CCDC15: variants seen among roughly 807,000 people sequenced by gnomAD.
CCDC15 encodes coiled-coil domain-containing protein 15.
CCDC15 carries 105 observed loss-of-function variants against 114.5 expected under a neutral mutation model. The observed-to-expected ratio is 0.92, with a 90% CI of 0.78 to 1.08. CCDC15 has a LOEUF of 1.08. Among genes scored for constraint, CCDC15 ranks in the 50% least tolerant of loss-of-function variants. The pLI is 0.00. For missense variants in CCDC15, 1,105 were observed against 1,093.6 expected, an observed-to-expected ratio of 1.01 and a Z score of -0.15; for synonymous variants, 334 against 377.8, an observed-to-expected ratio of 0.88 and a Z score of 1.34.
chr11:124,987,231 T>C lies in CCDC15; in HGVS notation c.1005T>C (p.Tyr335=). 2 of 1,553,384 alleles carry C rather than the reference T, an allele frequency of 1.3e-6. No homozygotes were observed. Among genetic ancestry groups the C allele is most frequent in the Non-Finnish European group, 1.7e-6 (2 of 1,156,664 alleles). Reference sequence around the variant, plus strand: ...ATATTCTGCCAGAAGCCCAGGATTATTTTCTAGAAGCCCAAGGTGATTTGC... The same window carrying C: ...ATATTCTGCCAGAAGCCCAGGATTACTTTCTAGAAGCCCAAGGTGATTTGC... ...LQDILPEAQD[Y]FLEAQGDLLE... is the part of the protein sequence containing the mutation. The change falls in exon 8 of 16, where the codon TAT becomes TAC. Residue 335 remains tyrosine (Y), a synonymous_variant. Coordinates refer to ENST00000344762, the MANE Select transcript of CCDC15 (RefSeq NM_025004.3).
chr11:125,036,026 G>A (rs1386137684), intron 13 of CCDC15, among the ~76,000 whole-genome samples: 1 of 149,022 alleles, frequency 6.7e-6, no homozygotes, highest in African/African-American at 2.5e-5. Flanking sequence ...CACAATTACA[G>A]TGTTTTGATA....
intron 4 of CCDC15, among the ~76,000 whole-genome samples, chr11:124,971,104 A>G (rs796232013): frequency 3.3e-5 from 5 of 152,272 alleles, no homozygotes; most frequent in Admixed American, 2.0e-4. Context: ...GCCTGGCAGT[A>G]TTCCTTAGAA....
At position 125,003,898 on chromosome 11, in the gene CCDC15, C is replaced by A; in HGVS notation, c.2246C>A (p.Thr749Asn). 6.4e-7 allele frequency: 1 copy of A among 1,565,330 alleles called. No homozygotes were observed. Among genetic ancestry groups the A allele is most frequent in the Non-Finnish European group, 8.6e-7 (1 of 1,161,826 alleles). The stretch of plus-strand genomic sequence containing the variant: ...GATAGGTATCAATCAGGATTGAGCA[C>A]TGAATTCCAAGCTCCACTGGCATTT... ...AYDRYQSGLS[T>N]EFQAPLAFQS... Residue 749 changes from threonine (T) to asparagine (N), a missense_variant, in exon 12 of 16, where the codon ACT (threonine) becomes AAT (asparagine). Physicochemically the swap from Thr to Asn is moderately conservative, Grantham distance 65. Coordinates refer to ENST00000344762, the MANE Select transcript of CCDC15 (RefSeq NM_025004.3).
Position 125,040,822 on chromosome 11 carries a change from ACT to A in CCDC15, c.*112_*113del. On this transcript the variant is annotated 3_prime_UTR_variant, in exon 16 of 16. Transcript: ENST00000344762. The stretch of plus-strand genomic sequence containing the variant: ...TAAAATATATAATCTGGGAAGAAAT[ACT>A]GTCTCATATAATAATTAGATTGTAA... 1.1e-6 allele frequency: 1 copy of A among 870,366 alleles called. No homozygotes were observed. Among genetic ancestry groups the A allele is most frequent in the Non-Finnish European group, 1.7e-6 (1 of 578,298 alleles). 53.9% of individuals were successfully genotyped at this position (870,366 alleles called of 1,614,324 possible).
chr11:125,029,684 T>G (rs1425893115), intron 13 of CCDC15, among the ~76,000 whole-genome samples: 1 of 152,232 alleles, frequency 6.6e-6, no homozygotes, highest in Non-Finnish European at 1.5e-5. Context: ...CCATTTTGTA[T>G]TCTCTTTGCC....
At chr11:124,987,017 CTAG>C (rs2135482957) in intron 7 of CCDC15, 107 bp from the exon 8 acceptor site, 38 of 1,369,116 alleles carry the variant, frequency 2.8e-5, no homozygotes, top group Non-Finnish European at 3.6e-5. Context: ...ACATTTTGTT[CTAG>C]TAATTTGCTT....
intron 5 of CCDC15, 108 bp downstream of exon 5, chr11:124,975,317 C>A: frequency 1.7e-6 from 1 of 572,768 alleles, no homozygotes; most frequent in Non-Finnish European, 2.8e-6. Flanking sequence ...TTGGAAATAG[C>A]CTTAAATACC....
chr11:125,039,288 T>C, intron 15 of CCDC15: 1 of 419,940 alleles, frequency 2.4e-6, no homozygotes, highest in Non-Finnish European at 4.1e-6. Flanking sequence ...GCTGGGGAAA[T>C]ATTTTCAGCT....
intron 8 of CCDC15, among the ~76,000 whole-genome samples, chr11:124,989,640 A>T: frequency 6.6e-6 from 1 of 152,206 alleles, no homozygotes; most frequent in East Asian, 1.9e-4. Flanking sequence ...TTCATCAGTG[A>T]TCTTAGCTAG....
chr11:124,989,585 G>A (rs1439571068), intron 8 of CCDC15, among the ~76,000 whole-genome samples: 1 of 152,110 alleles, frequency 6.6e-6, no homozygotes, highest in Non-Finnish European at 1.5e-5. Context: ...TCCAATATAA[G>A]GCTGTTTTGT....
rs1183265563 is a variant in CCDC15 at position 125,008,759 on chromosome 11, C to G, written c.2411+3547C>G. ...CTAGGCTGGAGTGCAGTGGCGTGAT[C>G]TCGGCTCACTGCAACCTCCGCCTCC... On this transcript the variant is annotated intron_variant, in intron 13 of 15. Coordinates refer to ENST00000344762, the MANE Select transcript of CCDC15 (RefSeq NM_025004.3). Among the ~76,000 whole-genome samples, 4 of 151,498 alleles carry G rather than the reference C, an allele frequency of 2.6e-5. No homozygotes were observed. The East Asian group carries it at 7.9e-4, about 30-fold the overall frequency.
intron 13 of CCDC15, among the ~76,000 whole-genome samples, chr11:125,034,198 C>G (rs1948760226): frequency 6.6e-6 from 1 of 152,176 alleles, no homozygotes; most frequent in African/African-American, 2.4e-5. Context: ...GTTGCCACTA[C>G]TGGGGATGAG....
intron 13 of CCDC15, among the ~76,000 whole-genome samples, chr11:125,027,365 G>T: frequency 6.6e-6 from 1 of 152,108 alleles, no homozygotes. Context: ...AGCAGTGTAA[G>T]TGTTCCCTTT....
intron 6 of CCDC15, among the ~76,000 whole-genome samples, chr11:124,985,188 T>C (rs761577436): frequency 6.6e-5 from 10 of 152,148 alleles, no homozygotes; most frequent in Admixed American, 1.3e-4. Context: ...CAGTACTTCA[T>C]TCTTTTTATT....
rs543005298 is a variant in CCDC15 at position 124,988,273 on chromosome 11, A to G, written c.1908+139A>G. 1.8e-5 allele frequency: 16 copies of G among 911,170 alleles called. No individual in the cohort carries two copies. In the East Asian group the frequency reaches 3.9e-4, roughly 22 times the overall value. The allele number at this position is 911,170 out of a possible 1,614,324, so 56.4% of individuals were successfully genotyped here. On this transcript the variant is annotated intron_variant, in intron 8 of 15. Coordinates refer to ENST00000344762, the MANE Select transcript of CCDC15 (RefSeq NM_025004.3). Reference sequence around the variant, plus strand: ...GCCATTGCAATAAAGCAAATATTGGAATAAAGTAAGTCACACAAATTTCTT... The same window carrying G: ...GCCATTGCAATAAAGCAAATATTGGGATAAAGTAAGTCACACAAATTTCTT...
intron 4 of CCDC15, among the ~76,000 whole-genome samples, chr11:124,965,607 G>A (rs1210574963): frequency 6.6e-6 from 1 of 152,056 alleles, no homozygotes; most frequent in Non-Finnish European, 1.5e-5. Flanking sequence ...TGGATTCATT[G>A]ATTCTTTGAA....
At chr11:125,005,832 T>A (rs1296708696) in intron 13 of CCDC15, among the ~76,000 whole-genome samples, 1 of 152,178 alleles carries the variant, frequency 6.6e-6, no homozygotes, top group Non-Finnish European at 1.5e-5. Flanking sequence ...CTTTTTAGAT[T>A]GGCTTTTTAT....
At chr11:125,019,096 A>T (rs1948646274) in intron 13 of CCDC15, among the ~76,000 whole-genome samples, 1 of 151,980 alleles carries the variant, frequency 6.6e-6, no homozygotes, top group Admixed American at 6.6e-5. Context: ...AAAAAATTTG[A>T]CTTCATGTTG....
At chr11:124,983,898 CCTA>C (rs1948113980) in intron 6 of CCDC15, among the ~76,000 whole-genome samples, 1 of 152,050 alleles carries the variant, frequency 6.6e-6, no homozygotes, top group East Asian at 1.9e-4. Flanking sequence ...GGGAGTGGGG[CCTA>C]CTGGCATCAG....
Sources: allele counts gnomAD v4.1 joint callset (sites outside exome capture counted in the v4.1 genomes callset), GRCh38; gene constraint gnomAD v4.1.1; transcripts MANE v1.5; gene names NCBI Gene and HGNC (gene_info 2026-07-23, HGNC 2026-07-21).